The following INO80D variants were observed in gnomAD, a reference collection of about 807,000 sequenced individuals.
INO80D encodes INO80 complex subunit D.
In INO80D, 21 loss-of-function variants were observed where a neutral mutation model predicts 87.6. That is an observed-to-expected ratio of 0.24 (90% CI 0.17 to 0.35). The LOEUF (loss-of-function observed/expected upper bound fraction) is 0.35, where lower values mean the gene tolerates loss of function less well. Among genes scored for constraint, INO80D ranks in the 10% least tolerant of loss-of-function variants. The probability of loss-of-function intolerance (pLI) is 1.00; values close to 1 mark genes in which losing one functional copy is unlikely to be tolerated. For missense variants in INO80D, 982 were observed against 1,280.7 expected (o/e 0.77, Z 3.56); for synonymous variants, 440 against 491.0 (o/e 0.90, Z 1.37).
chr2:206,065,561 T>G (rs1478912340), intron 1 of INO80D, among the ~76,000 whole-genome samples: 1 of 152,032 alleles, frequency 6.6e-6, no homozygotes, highest in Admixed American at 6.6e-5. Context: ...CTAAAAAGCT[T>G]CTGCACAGCA....
At chr2:206,084,273 A>ACACACCCC (rs1553623578) in intron 1 of INO80D, among the ~76,000 whole-genome samples, 1 of 144,398 alleles carries the variant, frequency 6.9e-6, no homozygotes, top group East Asian at 2.0e-4. Context: ...ACACACACAC[A>ACACACCCC]CCCCAAAACC....
At chr2:206,029,905 T>C (rs1386591172) in intron 5 of INO80D, among the ~76,000 whole-genome samples, 1 of 152,182 alleles carries the variant, frequency 6.6e-6, no homozygotes, top group Non-Finnish European at 1.5e-5. Context: ...AAAAGGCCAA[T>C]GATTCAAATA....
At chr2:206,056,972 C>A in intron 3 of INO80D, 29 bp from the exon 4 acceptor site, 2 of 1,529,022 alleles carry the variant, frequency 1.3e-6, no homozygotes, top group Non-Finnish European at 1.8e-6. Flanking sequence ...CATGGGAAAA[C>A]AGTCATGATA....
intron 1 of INO80D, among the ~76,000 whole-genome samples, chr2:206,079,994 C>T (rs1265131997): frequency 6.6e-6 from 1 of 152,232 alleles, no homozygotes; most frequent in African/African-American, 2.4e-5. Context: ...AAAGCCCTCA[C>T]TTTAAAACCT....
chr2:206,061,203 G>A (rs1486983938), intron 3 of INO80D, among the ~76,000 whole-genome samples: 1 of 151,820 alleles, frequency 6.6e-6, no homozygotes, highest in African/African-American at 2.4e-5. Context: ...GTAGAGATGG[G>A]GTTTTGTCAT....
In INO80D at chr2:206,028,216, C is replaced by T. The variant is rs989506826; in HGVS notation, c.1193G>A (p.Cys398Tyr). 4 of 1,613,554 alleles carry T rather than the reference C, an allele frequency of 2.5e-6. No individual in the cohort carries two copies. The highest frequency in any genetic ancestry group is 3.4e-6 in the Non-Finnish European group (4 of 1,179,672). The stretch of plus-strand genomic sequence containing the variant: ...CAAAGCTTTCCTAAACGTATGCCGG[C>T]ATTTCTTTTGACGAGATTCTGCCCG... ...LERAESRQKK[C>Y]RHTFRKALLQ... is the part of the protein sequence containing the mutation. Residue 398 changes from cysteine (C) to tyrosine (Y), a missense_variant, in exon 6 of 11, where the codon TGC (cysteine) becomes TAC (tyrosine). Transcript: ENST00000403263.
intron 3 of INO80D, among the ~76,000 whole-genome samples, chr2:206,057,866 G>A (rs1450736850): frequency 6.6e-6 from 1 of 151,076 alleles, no homozygotes; most frequent in Non-Finnish European, 1.5e-5. Context: ...CACCAGTGAT[G>A]CCATCTGACA....
chr2:206,081,436 G>A (rs529327784), intron 1 of INO80D, among the ~76,000 whole-genome samples: 1 of 152,234 alleles, frequency 6.6e-6, no homozygotes, highest in South Asian at 2.1e-4. Flanking sequence ...AAGAGAAATA[G>A]TATTTAGATG....
At chr2:206,025,568 T>TATATAA (rs3079262) in intron 6 of INO80D, 5 of 126,796 alleles carry the variant, frequency 3.9e-5, no homozygotes, top group Non-Finnish European at 6.6e-5. Flanking sequence ...TATATATATA[T>TATATAA]AAAATAACTA....
chr2:206,031,499 C>T (rs547840007), intron 5 of INO80D, among the ~76,000 whole-genome samples: 24 of 152,286 alleles, frequency 1.6e-4, no homozygotes, highest in South Asian at 8.3e-4. Context: ...GATGCACCTG[C>T]GCCCCTGCCA....
At chr2:206,037,504 G>A (rs1011278266) in intron 5 of INO80D, among the ~76,000 whole-genome samples, 3 of 152,104 alleles carry the variant, frequency 2.0e-5, no homozygotes, top group African/African-American at 4.8e-5. Context: ...AATATCCAAC[G>A]AGCAATTCAA....
intron 5 of INO80D, among the ~76,000 whole-genome samples, chr2:206,037,729 T>C (rs1041747277): frequency 1.3e-5 from 2 of 152,194 alleles, no homozygotes; most frequent in Non-Finnish European, 2.9e-5. Context: ...TTACCAGGTA[T>C]CTACTTAAAG....
rs1687912948 is a variant in INO80D, at chr2:206,001,907, A to G, written c.*2461T>C. The G allele has an allele frequency of 6.6e-6, 1 of 152,240 alleles. No individual in the cohort carries two copies. Among genetic ancestry groups the G allele is most frequent in the African/African-American group, 2.4e-5 (1 of 41,460 alleles). The allele number at this position is 152,240 out of a possible 1,614,324, so 9.4% of individuals were successfully genotyped here. ...CCTGATAATTTCATGCCTCCTTACTAGAAAGCAGAGAAGGGCTTTTAAATG... is the reference window on the plus strand; with the variant it reads ...CCTGATAATTTCATGCCTCCTTACTGGAAAGCAGAGAAGGGCTTTTAAATG... On this transcript the variant is annotated 3_prime_UTR_variant, in exon 11 of 11. Coordinates refer to ENST00000403263, the MANE Select transcript of INO80D (RefSeq NM_017759.5).
intron 8 of INO80D, among the ~76,000 whole-genome samples, chr2:206,015,420 C>A (rs1314644255): frequency 6.6e-6 from 1 of 152,176 alleles, no homozygotes; most frequent in Non-Finnish European, 1.5e-5. Context: ...TGGTACCCTG[C>A]ATTCCAACCA....
intron 6 of INO80D, among the ~76,000 whole-genome samples, chr2:206,025,101 T>C (rs1385428181): frequency 6.6e-6 from 1 of 152,044 alleles, no homozygotes; most frequent in Non-Finnish European, 1.5e-5. Context: ...TGACTTATGA[T>C]CATTACATAA....
intron 1 of INO80D, among the ~76,000 whole-genome samples, chr2:206,073,680 A>C (rs1013397054): frequency 2.0e-5 from 3 of 151,800 alleles, no homozygotes; most frequent in Non-Finnish European, 4.4e-5. Flanking sequence ...CGCCCAGCTA[A>C]TTTTTCATAT....
rs924093375 is a variant in INO80D, at chr2:206,080,714, T to C, written c.-124+5187A>G. ...CGAGGTCAGGAGACCGAGACCATCCTGGCTAACACGGTGAAACCCCGTCTC... is the reference window on the plus strand; with the variant it reads ...CGAGGTCAGGAGACCGAGACCATCCCGGCTAACACGGTGAAACCCCGTCTC... On this transcript the variant is annotated intron_variant, in intron 1 of 10. Transcript: ENST00000403263. Among the ~76,000 whole-genome samples, 55 of 152,016 alleles carry C rather than the reference T, an allele frequency of 3.6e-4. 2 individuals are homozygous for C. Among genetic ancestry groups the C allele is most frequent in the Admixed American group, 3.2e-3 (49 of 15,266 alleles).
rs1323610821 is a variant in INO80D, at chr2:206,001,662, G to A, written c.*2706C>T. Reference sequence around the variant, plus strand: ...TAAAAGAAAAACACAGATCTCTCTGGGCTTATAGATGTTCTCCTCTCTTCC... The same window carrying A: ...TAAAAGAAAAACACAGATCTCTCTGAGCTTATAGATGTTCTCCTCTCTTCC... On this transcript the variant is annotated 3_prime_UTR_variant, in exon 11 of 11. Transcript: ENST00000403263. 6.6e-6 allele frequency: 1 copy of A among 152,048 alleles called. No homozygotes were observed. Among genetic ancestry groups the A allele is most frequent in the Non-Finnish European group, 1.5e-5 (1 of 68,018 alleles). The allele number at this position is 152,048 out of a possible 1,614,324, so 9.4% of individuals were successfully genotyped here. A position where few individuals can be genotyped will look rare whatever the true frequency, so the allele number is the denominator to read the frequency against.
At chr2:206,054,187 T>C (rs1559455076) in intron 4 of INO80D, among the ~76,000 whole-genome samples, 1 of 151,364 alleles carries the variant, frequency 6.6e-6, no homozygotes, top group Non-Finnish European at 1.5e-5. Context: ...TCTTTTCTTT[T>C]TTTTTTTTTT....
Sources: gnomAD v4.1 joint callset for allele counts (sites outside exome capture counted in the v4.1 genomes callset) on GRCh38, gnomAD v4.1.1 for gene constraint, MANE v1.5 for transcripts, NCBI Gene and HGNC (gene_info 2026-07-23, HGNC 2026-07-21) for gene names.